The following SCFD2 variants were observed in gnomAD, a reference collection of about 807,000 sequenced individuals.
SCFD2 encodes sec1 family domain containing 2.
Under a neutral mutation model 58.9 loss-of-function variants are expected in SCFD2, and 54 were observed. The ratio of observed to expected loss-of-function variants is 0.92; its 90% CI spans 0.74 to 1.15. The LOEUF (loss-of-function observed/expected upper bound fraction) is 1.15, where lower values mean the gene tolerates loss of function less well. Ranked by LOEUF, SCFD2 falls within the 50% of genes most tolerant of loss-of-function variation. The pLI is 0.00. For missense variants in SCFD2, 805 were observed against 836.6 expected (o/e 0.96, Z 0.47); for synonymous variants, 321 against 335.9 (o/e 0.96, Z 0.49).
chr4:53,290,183 A>G (rs1731793311), intron 3 of SCFD2, among the ~76,000 whole-genome samples: 1 of 152,198 alleles, frequency 6.6e-6, no homozygotes, highest in South Asian at 2.1e-4. Flanking sequence ...ATTCTTTAGC[A>G]CACATAAAAC....
rs1464102963 is a variant in SCFD2 at position 53,256,424 on chromosome 4, C to A, written c.1311+17402G>T. 3.3e-5 allele frequency among the ~76,000 whole-genome samples: 5 copies of A among 151,734 alleles called. No individual in the cohort carries two copies. The South Asian group carries it at 1.0e-3, about 32-fold the overall frequency. On this transcript the variant is annotated intron_variant, in intron 4 of 8. Coordinates refer to ENST00000401642, the MANE Select transcript of SCFD2 (RefSeq NM_152540.4). Reference sequence around the variant, plus strand: ...GACTGGGCAGCAGAGGGGCTCCTCACATCCCAGACGATGGGCGACCAGGCA... The same window carrying A: ...GACTGGGCAGCAGAGGGGCTCCTCAAATCCCAGACGATGGGCGACCAGGCA...
chr4:52,898,737 A>G (rs1170756702), intron 7 of SCFD2, among the ~76,000 whole-genome samples: 1 of 152,100 alleles, frequency 6.6e-6, no homozygotes, highest in Non-Finnish European at 1.5e-5. Flanking sequence ...TGATCTGTCT[A>G]ATGTTGACAG....
At chr4:52,969,394 G>A (rs779168491) in intron 5 of SCFD2, among the ~76,000 whole-genome samples, 24 of 152,130 alleles carry the variant, frequency 1.6e-4, no homozygotes, top group Non-Finnish European at 3.1e-4. Flanking sequence ...ATATCCATTG[G>A]TAGGAAAATG....
intron 2 of SCFD2, among the ~76,000 whole-genome samples, chr4:53,314,760 T>C (rs1308005205): frequency 1.3e-5 from 2 of 152,222 alleles, no homozygotes; most frequent in African/African-American, 4.8e-5. Context: ...TATTGAATAA[T>C]AGAATGATGT....
chr4:53,061,523 T>C (rs560213804), intron 5 of SCFD2, among the ~76,000 whole-genome samples: 1 of 152,280 alleles, frequency 6.6e-6, no homozygotes, highest in South Asian at 2.1e-4. Flanking sequence ...GAAGGCACTT[T>C]AGTACAAACG....
intron 4 of SCFD2, among the ~76,000 whole-genome samples, chr4:53,169,795 C>T (rs1044935934): frequency 4.6e-5 from 7 of 152,082 alleles, no homozygotes; most frequent in African/African-American, 1.4e-4. Context: ...TGATTTGGGG[C>T]ATGTTTTTCA....
At chr4:53,328,753 G>A (rs545226023) in intron 2 of SCFD2, among the ~76,000 whole-genome samples, 3 of 152,308 alleles carry the variant, frequency 2.0e-5, no homozygotes, top group Admixed American at 1.3e-4. Context: ...CAAGATGGCC[G>A]AATAGGAACA....
At chr4:53,187,385 C>A (rs1248321483) in intron 4 of SCFD2, among the ~76,000 whole-genome samples, 1 of 151,872 alleles carries the variant, frequency 6.6e-6, no homozygotes, top group East Asian at 1.9e-4. Context: ...TGCATACCTT[C>A]CTAAAAATGC....
intron 4 of SCFD2, among the ~76,000 whole-genome samples, chr4:53,175,543 T>C (rs1320301031): frequency 2.0e-5 from 3 of 152,230 alleles, no homozygotes; most frequent in African/African-American, 4.8e-5. Context: ...AAACTCCTAA[T>C]TGAAATATTA....
chr4:53,159,116 C>T (rs1489251943), intron 4 of SCFD2, among the ~76,000 whole-genome samples: 16 of 152,064 alleles, frequency 1.1e-4, no homozygotes, highest in African/African-American at 9.7e-5. Context: ...GACCTAGCTC[C>T]GCCCTTTGAA....
intron 5 of SCFD2, chr4:52,958,016 T>G (rs1363499805): frequency 6.6e-6 from 1 of 152,214 alleles, no homozygotes. Flanking sequence ...TAAATGTGAT[T>G]ATGATCCCAA....
chr4:53,026,825 A>G (rs1297630975), intron 5 of SCFD2, among the ~76,000 whole-genome samples: 1 of 152,214 alleles, frequency 6.6e-6, no homozygotes, highest in African/African-American at 2.4e-5. Flanking sequence ...AATTCAAACC[A>G]TCATTTTTTC....
intron 4 of SCFD2, among the ~76,000 whole-genome samples, chr4:53,248,213 G>A (rs932172532): frequency 6.6e-6 from 1 of 152,218 alleles, no homozygotes; most frequent in Non-Finnish European, 1.5e-5. Context: ...GCGCTTTTCT[G>A]ACGGGCTTAG....
chr4:53,098,807 A>G (rs1724741147), intron 5 of SCFD2, among the ~76,000 whole-genome samples: 1 of 152,140 alleles, frequency 6.6e-6, no homozygotes, highest in Admixed American at 6.6e-5. Context: ...ACACACACAC[A>G]TGCACGCACA....
chr4:53,254,031 G>A (rs940221047), intron 4 of SCFD2, among the ~76,000 whole-genome samples: 1 of 152,048 alleles, frequency 6.6e-6, no homozygotes, highest in Admixed American at 6.5e-5. Context: ...TTATAAGTTA[G>A]AGCTAAGTGA....
intron 5 of SCFD2, among the ~76,000 whole-genome samples, chr4:53,095,493 A>T (rs1205591227): frequency 1.3e-5 from 2 of 152,018 alleles, no homozygotes; most frequent in African/African-American, 4.8e-5. Context: ...TCTCACTTAG[A>T]TTACTCTAAA....
chr4:53,028,864 G>A (rs1361385308), intron 5 of SCFD2, among the ~76,000 whole-genome samples: 1 of 152,166 alleles, frequency 6.6e-6, no homozygotes, highest in Non-Finnish European at 1.5e-5. Flanking sequence ...GACTTTTGAA[G>A]GTTAAGTAGG....
chr4:53,271,788 A>T (rs1731177242), intron 4 of SCFD2, among the ~76,000 whole-genome samples: 1 of 152,154 alleles, frequency 6.6e-6, no homozygotes, highest in African/African-American at 2.4e-5. Context: ...TCTTAAAAAT[A>T]GAAACTTGAG....
At chr4:53,226,897 A>C (rs1729234030) in intron 4 of SCFD2, among the ~76,000 whole-genome samples, 1 of 151,706 alleles carries the variant, frequency 6.6e-6, no homozygotes, top group Admixed American at 6.6e-5. Flanking sequence ...TATTTTTAAC[A>C]CTCTTGTACA....
Sources: gnomAD v4.1 joint callset for allele counts (sites outside exome capture counted in the v4.1 genomes callset) on GRCh38, gnomAD v4.1.1 for gene constraint, MANE v1.5 for transcripts, NCBI Gene and HGNC (gene_info 2026-07-23, HGNC 2026-07-21) for gene names.